The following NTN1 variants were observed in gnomAD, a reference collection of about 807,000 sequenced individuals.
The protein encoded by NTN1 is netrin 1, also known as netrin-1.
NTN1 carries 11 observed loss-of-function variants against 54.2 expected under a neutral mutation model. The observed-to-expected ratio is 0.20, with a 90% CI of 0.13 to 0.34. The LOEUF is 0.34. Ranked by LOEUF, NTN1 falls within the 10% of genes least tolerant of loss-of-function variation. The probability of loss-of-function intolerance (pLI) is 1.00; values close to 1 mark genes in which losing one functional copy is unlikely to be tolerated. For synonymous variants in NTN1, 371 were observed against 382.0 expected, an observed-to-expected ratio of 0.97 and a Z score of 0.33; for missense variants, 740 against 893.1, an observed-to-expected ratio of 0.83 and a Z score of 2.18.
At chr17:9,035,675 T>A (rs532448454) in intron 2 of NTN1, among the ~76,000 whole-genome samples, 1 of 152,314 alleles carries the variant, frequency 6.6e-6, no homozygotes, top group Admixed American at 6.5e-5. Context: ...TTCAGCCTCC[T>A]GAGTAGCTGG....
chr17:9,084,094 G>A (rs549377094), intron 2 of NTN1, among the ~76,000 whole-genome samples: 6 of 152,236 alleles, frequency 3.9e-5, no homozygotes, highest in Non-Finnish European at 5.9e-5. Context: ...TTTCCAAAAG[G>A]ATACAGTTTG....
chr17:9,093,079 G>A (rs1414927664), intron 2 of NTN1, among the ~76,000 whole-genome samples: 2 of 152,098 alleles, frequency 1.3e-5, no homozygotes, highest in Non-Finnish European at 2.9e-5. Context: ...TTTTAGTAGA[G>A]ATGGGGTTTT....
intron 2 of NTN1, among the ~76,000 whole-genome samples, chr17:9,093,200 C>T (rs930192970): frequency 3.9e-5 from 6 of 152,188 alleles, no homozygotes; most frequent in East Asian, 1.9e-4. Flanking sequence ...CCTGATAAAC[C>T]GCATTTTCTG....
the NTN1 span, among the ~76,000 whole-genome samples, chr17:9,008,754 C>T: frequency 6.6e-6 from 1 of 152,220 alleles, no homozygotes; most frequent in Non-Finnish European, 1.5e-5. Context: ...AGGAAGATTA[C>T]TATCCACATT....
Position 9,204,928 on chromosome 17 carries a change from A to ATTT in NTN1, c.1412-16229_1412-16227dup, listed in dbSNP as rs148063994. Among the ~76,000 whole-genome samples the ATTT allele has an allele frequency of 3.5e-3, 514 of 145,548 alleles. 3 individuals are homozygous for ATTT. The highest frequency in any genetic ancestry group is 8.7e-3 in the African/African-American group (345 of 39,764). On this transcript the variant is annotated intron_variant, in intron 5 of 6. Transcript: ENST00000173229. ...CTTTCCATCAGTGCTGTCAACCCTC[A>ATTT]TTTTTTTTTTTTTCTGAAGATATGT... is the stretch of plus-strand genomic sequence containing the variant.
chr17:9,182,885 TCCCCTCGC>T (rs778078443), intron 4 of NTN1, 23 bp from the exon 5 acceptor site: 5 of 1,611,812 alleles, frequency 3.1e-6, no homozygotes, highest in African/African-American at 1.3e-5. Flanking sequence ...TTTTCTCTCC[TCCCCTCGC>T]CCCCGTCTTG....
the NTN1 span, among the ~76,000 whole-genome samples, chr17:9,010,566 G>A: frequency 6.6e-6 from 1 of 152,210 alleles, no homozygotes; most frequent in Non-Finnish European, 1.5e-5. Flanking sequence ...CCCCAAGCAT[G>A]TCTTTTAAGA....
chr17:9,066,829 G>A (rs918395697), intron 2 of NTN1, among the ~76,000 whole-genome samples: 3 of 151,894 alleles, frequency 2.0e-5, no homozygotes, highest in African/African-American at 4.8e-5. Flanking sequence ...GTGAAACCCC[G>A]TCTCAACTAA....
intron 2 of NTN1, among the ~76,000 whole-genome samples, chr17:9,025,442 T>A (rs1431647110): frequency 6.6e-6 from 1 of 152,256 alleles, no homozygotes; most frequent in African/African-American, 2.4e-5. Flanking sequence ...TTAATTAGGC[T>A]TAATAAGTAC....
intron 2 of NTN1, among the ~76,000 whole-genome samples, chr17:9,095,021 A>C (rs4791776): frequency 0.45 from 67,038 of 147,904 alleles, 17,087 homozygotes; most frequent in East Asian, 0.95. Flanking sequence ...AAGAAACAGC[A>C]TGTTAAGTTT....
chr17:9,238,810 T>A (rs1906083565), intron 6 of NTN1, among the ~76,000 whole-genome samples: 1 of 152,222 alleles, frequency 6.6e-6, no homozygotes, highest in South Asian at 2.1e-4. Flanking sequence ...GTCCTCTGAG[T>A]CAATGACATC....
At chr17:9,114,158 A>ATAT (rs1224438013) in intron 2 of NTN1, among the ~76,000 whole-genome samples, 77 of 95,048 alleles carry the variant, frequency 8.1e-4, no homozygotes, top group East Asian at 4.3e-3. Flanking sequence ...AAAAAGAAAA[A>ATAT]AAAAAAAAAT....
chr17:9,095,557 T>C (rs1567709270), intron 2 of NTN1, among the ~76,000 whole-genome samples: 1 of 152,262 alleles, frequency 6.6e-6, no homozygotes, highest in Non-Finnish European at 1.5e-5. Flanking sequence ...GAGTTCTTTC[T>C]GTCCAATGAT....
At chr17:9,224,295 C>T (rs573363729) in intron 6 of NTN1, among the ~76,000 whole-genome samples, 10 of 152,292 alleles carry the variant, frequency 6.6e-5, no homozygotes, top group Middle Eastern at 3.4e-3. Context: ...ACCCTCCTTT[C>T]GTAGACTCGA....
intron 5 of NTN1, among the ~76,000 whole-genome samples, chr17:9,209,567 G>A (rs929209014): frequency 1.3e-5 from 2 of 152,154 alleles, no homozygotes; most frequent in Non-Finnish European, 2.9e-5. Flanking sequence ...CCCTGTTGGT[G>A]CACCAAAGGG....
intron 2 of NTN1, among the ~76,000 whole-genome samples, chr17:9,142,182 G>A (rs147819278): frequency 0.014 from 2,056 of 151,540 alleles, 46 homozygotes; most frequent in African/African-American, 0.046. Context: ...CCAGCTACTC[G>A]AGAGGCTGAG....
intron 5 of NTN1, among the ~76,000 whole-genome samples, chr17:9,210,233 C>G (rs532727175): frequency 6.6e-6 from 1 of 152,050 alleles, no homozygotes; most frequent in African/African-American, 2.4e-5. Flanking sequence ...GCTTGGAACC[C>G]TCTTCCCTCA....
rs2092277593 is a variant in NTN1, at chr17:9,135,352, T to C, written c.1019-27461T>C. On this transcript the variant is annotated intron_variant, in intron 2 of 6. Coordinates refer to ENST00000173229, the MANE Select transcript of NTN1 (RefSeq NM_004822.3). This position sits in a 1 kb window ranked among gnomAD's most constrained non-coding sequence, Gnocchi z 4.4. ...ACCTGTGTCTGGCTCTTGCTTCCCCTGCAGCCATCCTGCCAACCAGACCAC... is the reference window on the plus strand; with the variant it reads ...ACCTGTGTCTGGCTCTTGCTTCCCCCGCAGCCATCCTGCCAACCAGACCAC... Among the ~76,000 whole-genome samples, 1 of 152,216 alleles carries C rather than the reference T, an allele frequency of 6.6e-6. No homozygotes were observed. The highest frequency in any genetic ancestry group is 1.5e-5 in the Non-Finnish European group (1 of 68,048).
At chr17:9,143,917 ATGG>A (rs1331279312) in intron 2 of NTN1, among the ~76,000 whole-genome samples, 1 of 145,848 alleles carries the variant, frequency 6.9e-6, no homozygotes, top group Non-Finnish European at 1.5e-5. Context: ...TTTTTTTGAG[ATGG>A]AATTTCGCTC....
Sources: gnomAD v4.1 joint callset for allele counts (sites outside exome capture counted in the v4.1 genomes callset) on GRCh38, gnomAD v4.1.1 for gene constraint, Gnocchi (gnomAD v3.1) non-coding constraint, MANE v1.5 for transcripts, NCBI Gene and HGNC (gene_info 2026-07-23, HGNC 2026-07-21) for gene names.